The following EXD2 variants were observed in gnomAD, a reference collection of about 807,000 sequenced individuals.
EXD2 encodes exonuclease 3'-5' domain containing 2.
In EXD2, 40 loss-of-function variants were observed where a neutral mutation model predicts 62.5. The ratio of observed to expected loss-of-function variants is 0.64; its 90% confidence interval spans 0.50 to 0.83. EXD2 has a LOEUF of 0.83. Ranked by LOEUF, EXD2 falls within the 40% of genes least tolerant of loss-of-function variation. EXD2 has a pLI of 0.00. For missense variants in EXD2, 671 were observed against 761.8 expected (o/e 0.88, Z 1.40); for synonymous variants, 239 against 291.9 (o/e 0.82, Z 1.85).
chr14:69,222,717 T>C (rs1439826614), intron 3 of EXD2, among the ~76,000 whole-genome samples: 1 of 152,122 alleles, frequency 6.6e-6, no homozygotes, highest in Admixed American at 6.6e-5. Flanking sequence ...TTTTAATACA[T>C]AGGAATGTTC....
intron 3 of EXD2, among the ~76,000 whole-genome samples, chr14:69,217,001 C>A (rs552130796): frequency 1.1e-4 from 17 of 152,198 alleles, no homozygotes; most frequent in African/African-American, 3.9e-4. Flanking sequence ...CCTCTCCTCC[C>A]AACCATCCTG....
At chr14:69,240,828 G>T in intron 9 of EXD2, 56 bp from the exon 10 acceptor site, 1 of 1,509,854 alleles carries the variant, frequency 6.6e-7, no homozygotes, top group Non-Finnish European at 9.1e-7. Context: ...GAAGCTGTCT[G>T]TGAGGCCATC....
Position 69,206,455 on chromosome 14 carries a change from C to CCTTTTTTTTTTTTTTTTTTTTTTTTT in EXD2, c.-48+2455_-48+2456insCTTTTTTTTTTTTTTTTTTTTTTTTT, listed in dbSNP as rs60787528. Among the ~76,000 whole-genome samples, 14 of 94,666 alleles carry CCTTTTTTTTTTTTTTTTTTTTTTTTT rather than the reference C, an allele frequency of 1.5e-4. 3 individuals carry two copies. The highest frequency in any genetic ancestry group is 4.5e-4 in the African/African-American group (10 of 22,162). 62.1% of individuals were successfully genotyped at this position (94,666 alleles called of 152,430 possible). The stretch of plus-strand genomic sequence containing the variant: ...CCCAGCTTCATCTCCCACCCACCCA[C>CCTTTTTTTTTTTTTTTTTTTTTTTTT]TTTTTTTTTTTTTTTTTTTTTTTTT... On this transcript the variant is annotated intron_variant, in intron 2 of 9. Coordinates refer to ENST00000685843, the MANE Select transcript of EXD2 (RefSeq NM_001193360.2).
intron 3 of EXD2, among the ~76,000 whole-genome samples, chr14:69,221,115 T>C (rs1219276072): frequency 6.6e-6 from 1 of 152,028 alleles, no homozygotes; most frequent in Non-Finnish European, 1.5e-5. Context: ...GCAGTCCTTC[T>C]GCCTCAGCCT....
intron 1 of EXD2, among the ~76,000 whole-genome samples, chr14:69,194,914 A>G (rs900796662): frequency 6.6e-6 from 1 of 152,034 alleles, no homozygotes; most frequent in Non-Finnish European, 1.5e-5. Context: ...CTTGTCAATT[A>G]TTTTTTTCTT....
At chr14:69,240,404 G>C (rs993339918) in intron 9 of EXD2, among the ~76,000 whole-genome samples, 2 of 152,190 alleles carry the variant, frequency 1.3e-5, no homozygotes, top group Admixed American at 6.5e-5. Flanking sequence ...GAGAAAAAAG[G>C]CTCTAAAGAA....
Position 69,221,960 on chromosome 14 carries a change from C to T in EXD2, c.334-6856C>T, listed in dbSNP as rs181692005. On this transcript the variant is annotated intron_variant, in intron 3 of 9. Coordinates refer to ENST00000685843, the MANE Select transcript of EXD2 (RefSeq NM_001193360.2). ...AAAATTAGCCAGGCGTGGTGGTGCG[C>T]ACCTGTAATCCCAGCTACTCGGGAG... Among the ~76,000 whole-genome samples, 1,402 of 145,614 alleles carry T rather than the reference C, an allele frequency of 9.6e-3. 5 individuals are homozygous for T. The highest frequency in any genetic ancestry group is 0.027 in the Middle Eastern group (7 of 256).
At chr14:69,213,804 C>G (rs1594750020) in intron 3 of EXD2, 1 of 152,006 alleles carries the variant, frequency 6.6e-6, no homozygotes, top group East Asian at 1.9e-4. Context: ...GCTGGGAGTA[C>G]AGGTGTGTGC....
chr14:69,226,368 C>T (rs1706801649), intron 3 of EXD2, among the ~76,000 whole-genome samples: 1 of 152,168 alleles, frequency 6.6e-6, no homozygotes, highest in Admixed American at 6.5e-5. Flanking sequence ...ACGAAAATAG[C>T]TCTCACTGAT....
intron 7 of EXD2, 84 bp downstream of exon 7, chr14:69,236,236 A>G (rs1297173866): frequency 1.7e-5 from 25 of 1,497,724 alleles, no homozygotes; most frequent in Non-Finnish European, 2.3e-5. Context: ...AGGAAGAGGG[A>G]GGGATAGAAG....
In EXD2 at chr14:69,209,614, G is replaced by A. The variant is rs1472311681; in HGVS notation, c.144G>A (p.Leu48=). 1 of 1,550,360 alleles carries A rather than the reference G, an allele frequency of 6.5e-7. No individual in the cohort carries two copies. Residue 48 remains leucine (L), a synonymous_variant, in exon 3 of 10, where the codon CTG becomes CTA. Transcript: ENST00000685843. The part of the protein sequence containing the change: ...PVTQQPQQKV[L]GSRELPPPED... Reference sequence around the variant, plus strand: ...CCCAACAGCCACAGCAGAAAGTGCTGGGCAGTAGAGAGCTGCCCCCTCCAG... The same window carrying A: ...CCCAACAGCCACAGCAGAAAGTGCTAGGCAGTAGAGAGCTGCCCCCTCCAG...
intron 3 of EXD2, among the ~76,000 whole-genome samples, chr14:69,219,272 T>C (rs1053523855): frequency 1.3e-5 from 2 of 152,212 alleles, no homozygotes; most frequent in African/African-American, 2.4e-5. Flanking sequence ...TTGAAGCAAT[T>C]GTGAATGGGA....
intron 3 of EXD2, among the ~76,000 whole-genome samples, chr14:69,223,857 T>A (rs572113634): frequency 2.3e-4 from 35 of 152,224 alleles, no homozygotes; most frequent in Admixed American, 7.8e-4. Flanking sequence ...TGCCCTGCTA[T>A]AAAGAAATAG....
At chr14:69,207,244 A>C (rs2042634659) in intron 2 of EXD2, among the ~76,000 whole-genome samples, 1 of 152,118 alleles carries the variant, frequency 6.6e-6, no homozygotes, top group African/African-American at 2.4e-5. Context: ...CTGTAATCAC[A>C]GCATTTTGGG....
chr14:69,193,275 T>C (rs539659730), intron 1 of EXD2, among the ~76,000 whole-genome samples: 1 of 152,292 alleles, frequency 6.6e-6, no homozygotes, highest in South Asian at 2.1e-4. Context: ...GCCAGGCTGG[T>C]CTCAAACTCC....
chr14:69,203,397 G>A (rs1403097816), intron 1 of EXD2, among the ~76,000 whole-genome samples: 2 of 152,116 alleles, frequency 1.3e-5, no homozygotes, highest in Non-Finnish European at 2.9e-5. Context: ...GTATAGACCT[G>A]AATGCCACAT....
intron 1 of EXD2, among the ~76,000 whole-genome samples, chr14:69,194,585 G>C (rs1296238032): frequency 6.6e-6 from 1 of 151,936 alleles, no homozygotes; most frequent in African/African-American, 2.4e-5. Context: ...GGCCTCAGGA[G>C]ATTCTCCCCC....
intron 1 of EXD2, among the ~76,000 whole-genome samples, chr14:69,199,042 G>A (rs1228263543): frequency 2.0e-5 from 3 of 152,212 alleles, no homozygotes; most frequent in African/African-American, 7.2e-5. Flanking sequence ...TCAGGAGTTC[G>A]AGACCAGCCT....
chr14:69,227,428 G>T (rs2043400284), intron 3 of EXD2, among the ~76,000 whole-genome samples: 1 of 152,168 alleles, frequency 6.6e-6, no homozygotes, highest in Non-Finnish European at 1.5e-5. Flanking sequence ...TTTAATCTGG[G>T]TTCTATGGAT....
Sources: gnomAD v4.1 joint callset for allele counts (sites outside exome capture counted in the v4.1 genomes callset) on GRCh38, gnomAD v4.1.1 for gene constraint, MANE v1.5 for transcripts, NCBI Gene and HGNC (gene_info 2026-07-23, HGNC 2026-07-21) for gene names.